The following ANKRD26 variants were observed in gnomAD, a reference collection of about 807,000 sequenced individuals.
ANKRD26 encodes ankyrin repeat domain-containing protein 26.
A neutral mutation model predicts 208.7 loss-of-function variants in ANKRD26; 141 were observed. That is an observed-to-expected ratio of 0.68 (90% confidence interval 0.59 to 0.78). The LOEUF (loss-of-function observed/expected upper bound fraction) is 0.78, where lower values mean the gene tolerates loss of function less well. Ranked by LOEUF, ANKRD26 falls within the 30% of genes least tolerant of loss-of-function variation. The probability of loss-of-function intolerance (pLI) is 0.00; values close to 1 mark genes in which losing one functional copy is unlikely to be tolerated. For missense variants in ANKRD26, 1,889 were observed against 1,938.7 expected (o/e 0.97, Z 0.48); for synonymous variants, 636 against 660.4 (o/e 0.96, Z 0.57).
At chr10:26,964,577 C>T in the ANKRD26 span, among the ~76,000 whole-genome samples, 1 of 152,188 alleles carries the variant, frequency 6.6e-6, no homozygotes, top group Admixed American at 6.5e-5. Flanking sequence ...GATTCATATA[C>T]ACAGTGGCTT....
At chr10:26,956,487 C>G in the ANKRD26 span, among the ~76,000 whole-genome samples, 1 of 152,016 alleles carries the variant, frequency 6.6e-6, no homozygotes, top group Admixed American at 6.6e-5. Flanking sequence ...AATTATTAGG[C>G]CAGGCACAGT....
intron 29 of ANKRD26, 46 bp from the exon 30 acceptor site, chr10:27,017,838 G>A: frequency 6.5e-7 from 1 of 1,548,874 alleles, no homozygotes; most frequent in Non-Finnish European, 8.8e-7. Context: ...GAAGTAGCCT[G>A]AGAATAGCCT....
chr10:27,031,471 G>A (rs777653428), intron 25 of ANKRD26, among the ~76,000 whole-genome samples: 1 of 152,192 alleles, frequency 6.6e-6, no homozygotes, highest in African/African-American at 2.4e-5. Context: ...TATATGAAAT[G>A]TTCAGAACAG....
At chr10:27,050,047 C>T (rs895904836) in intron 16 of ANKRD26, among the ~76,000 whole-genome samples, 21 of 151,102 alleles carry the variant, frequency 1.4e-4, no homozygotes, top group Admixed American at 2.0e-4. Context: ...ATGGTGAAAC[C>T]CCATCTCTAC....
intron 1 of ANKRD26, among the ~76,000 whole-genome samples, chr10:27,099,278 A>AC (rs1438193237): frequency 6.6e-6 from 1 of 152,166 alleles, no homozygotes; most frequent in East Asian, 1.9e-4. Flanking sequence ...GGCGCGAGCC[A>AC]CCACGCCTGG....
Position 27,035,551 on chromosome 10 carries a change from A to C in ANKRD26, c.2899T>G (p.Leu967Val). 1 of 1,613,900 alleles carries C rather than the reference A, an allele frequency of 6.2e-7. No homozygotes were observed. The highest frequency in any genetic ancestry group is 8.5e-7 in the Non-Finnish European group (1 of 1,179,870). ...TTATACTGGGATATTGTTTGTGTTAATGTTTCCTCATTCTGTTTTATAGTC... is the reference window on the plus strand; with the variant it reads ...TTATACTGGGATATTGTTTGTGTTACTGTTTCCTCATTCTGTTTTATAGTC... ...QKTIKQNEET[L>V]TQTISQYNGR... Residue 967 changes from leucine (L) to valine (V), a missense_variant, in exon 24 of 34, where the codon TTA becomes GTA. By Grantham distance (32) the Leu-to-Val change is conservative. Coordinates refer to ENST00000376087, the MANE Select transcript of ANKRD26 (RefSeq NM_014915.3).
At chr10:27,064,119 C>A in intron 11 of ANKRD26, 38 bp from the exon 12 acceptor site, 1 of 1,390,018 alleles carries the variant, frequency 7.2e-7, no homozygotes, top group Non-Finnish European at 1.0e-6. Context: ...TTCAATTTTA[C>A]AAAAAGAATG....
intron 1 of ANKRD26, among the ~76,000 whole-genome samples, chr10:27,095,000 CAA>C (rs752989150): frequency 8.2e-5 from 8 of 97,608 alleles, no homozygotes; most frequent in Admixed American, 2.2e-4. Context: ...ACCCTGTCTA[CAA>C]AAAAAAAAAA....
intron 4 of ANKRD26, among the ~76,000 whole-genome samples, chr10:27,087,726 T>A (rs980817684): frequency 4.6e-5 from 7 of 152,208 alleles, no homozygotes; most frequent in African/African-American, 1.7e-4. Context: ...AACCAGCAGA[T>A]CTTTGTTAGA....
At chr10:27,030,314 T>A in intron 25 of ANKRD26, 1 of 898,388 alleles carries the variant, frequency 1.1e-6, no homozygotes. Flanking sequence ...AATTATAGAT[T>A]ACTTTCTCTC....
intron 28 of ANKRD26, among the ~76,000 whole-genome samples, chr10:27,023,394 G>A (rs2053554307): frequency 6.8e-6 from 1 of 147,700 alleles, no homozygotes; most frequent in Admixed American, 6.7e-5. Flanking sequence ...GGTTGAAAAA[G>A]ACACAAAAAT....
In ANKRD26 at chr10:26,980,588, A is replaced by AT. The variant is rs3832671; in HGVS notation, c.*268dup. On this transcript the variant is annotated 3_prime_UTR_variant and NMD_transcript_variant, in exon 5 of 6. Coordinates refer to the ANKRD26 transcript ENST00000674670. Reference sequence around the variant, plus strand: ...GGGGTTTCCCTACCTGTTACTGGTCATTCCCTATATGGTGTGATCATGAGA... The same window carrying AT: ...GGGGTTTCCCTACCTGTTACTGGTCATTTCCCTATATGGTGTGATCATGAGA... 6.6e-3 allele frequency among the ~76,000 whole-genome samples: 1,005 copies of AT among 152,358 alleles called. 20 individuals carry two copies. Among genetic ancestry groups the AT allele is most frequent in the East Asian group, 0.026 (137 of 5,184 alleles).
intron 5 of ANKRD26, among the ~76,000 whole-genome samples, chr10:26,993,394 C>A (rs941293426): frequency 1.3e-5 from 2 of 152,162 alleles, no homozygotes; most frequent in African/African-American, 4.8e-5. Context: ...GTATCCACCC[C>A]ATATCTCCTG....
chr10:26,988,341 T>C (rs192710268), downstream of ANKRD26, among the ~76,000 whole-genome samples: 96 of 152,290 alleles, frequency 6.3e-4, no homozygotes, highest in African/African-American at 2.2e-3. Context: ...AGCTGAAGTT[T>C]ATCTTGGGAC....
chr10:26,996,845 G>T (rs751868408), intron 4 of ANKRD26, among the ~76,000 whole-genome samples: 1 of 152,022 alleles, frequency 6.6e-6, no homozygotes. Context: ...GGAGGTTTAC[G>T]GCTCCTTGCC....
At chr10:26,975,034 T>C (rs754210713) in exon 6 of ANKRD26, among the ~76,000 whole-genome samples, 4 of 152,322 alleles carry the variant, frequency 2.6e-5, no homozygotes, top group African/African-American at 9.6e-5. Context: ...TAGATTCTAA[T>C]TGAAATAAAC....
At chr10:27,074,549 C>T (rs945617551) in intron 9 of ANKRD26, among the ~76,000 whole-genome samples, 2 of 151,990 alleles carry the variant, frequency 1.3e-5, no homozygotes, top group African/African-American at 4.8e-5. Context: ...GACATGGTAG[C>T]GTATACCTGT....
chr10:27,043,391 C>T (rs1187828540), intron 20 of ANKRD26, 35 bp downstream of exon 20: 2 of 1,605,104 alleles, frequency 1.2e-6, no homozygotes, highest in Admixed American at 1.7e-5. Context: ...CAATGGGATA[C>T]ATAAAAAGGC....
At chr10:27,075,816 A>G (rs1483570432) in intron 9 of ANKRD26, among the ~76,000 whole-genome samples, 2 of 152,234 alleles carry the variant, frequency 1.3e-5, no homozygotes, top group Non-Finnish European at 2.9e-5. Context: ...TAATAGGCAT[A>G]TGGAACATTC....
Sources: gnomAD v4.1 joint callset for allele counts (sites outside exome capture counted in the v4.1 genomes callset) on GRCh38, gnomAD v4.1.1 for gene constraint, MANE v1.5 for transcripts, NCBI Gene and HGNC (gene_info 2026-07-23, HGNC 2026-07-21) for gene names.